Variants in IPMK observed in about 807,000 individuals in gnomAD.
The protein encoded by IPMK is inositol 1,3,4,6-tetrakisphosphate 5-kinase.
IPMK carries 17 observed loss-of-function variants against 45.8 expected under a neutral mutation model. That is an observed-to-expected ratio of 0.37 (90% CI 0.25 to 0.56). IPMK has a LOEUF of 0.56. IPMK is among the 20% of genes least tolerant of loss of function. The probability of loss-of-function intolerance (pLI) is 0.79; values close to 1 mark genes in which losing one functional copy is unlikely to be tolerated. For synonymous variants in IPMK, 180 were observed against 184.3 expected, an observed-to-expected ratio of 0.98 and a Z score of 0.19; for missense variants, 399 against 498.0, an observed-to-expected ratio of 0.80 and a Z score of 1.89.
In IPMK at chr10:58,262,874, G is replaced by A. The variant is rs546800597; in HGVS notation, c.190+4548C>T. Among the ~76,000 whole-genome samples the A allele has an allele frequency of 5.9e-5, 9 of 152,294 alleles. No individual in the cohort carries two copies. The South Asian group carries it at 1.9e-3, about 32-fold the overall frequency. On this transcript the variant is annotated intron_variant, in intron 1 of 5. Transcript: ENST00000373935. The stretch of plus-strand genomic sequence containing the variant: ...AAGGACATAAATACTTAAGGGTAAA[G>A]GAAGAGCTATTTCTTGGAATGCTAG...
intron 4 of IPMK, among the ~76,000 whole-genome samples, chr10:58,210,963 C>G (rs896421473): frequency 2.6e-5 from 4 of 152,168 alleles, no homozygotes. Flanking sequence ...ATTAGCCCTG[C>G]CTCCCATCCA....
chr10:58,210,044 C>G (rs1353799657), intron 4 of IPMK, among the ~76,000 whole-genome samples: 1 of 151,824 alleles, frequency 6.6e-6, no homozygotes, highest in Non-Finnish European at 1.5e-5. Context: ...GAAAAACCAT[C>G]AGGTGGGGGC....
intron 4 of IPMK, among the ~76,000 whole-genome samples, chr10:58,213,220 G>GT (rs150851673): frequency 0.077 from 11,672 of 152,220 alleles, 524 homozygotes; most frequent in Non-Finnish European, 0.089. Context: ...AAGGTATCCA[G>GT]TAAGTTGTTA....
chr10:58,243,965 T>C (rs2790209), intron 1 of IPMK, among the ~76,000 whole-genome samples: 49,871 of 97,396 alleles, frequency 0.51, 10,451 homozygotes, highest in African/African-American at 0.69. Context: ...ATGTGAGGAG[T>C]GCCTCTGCCT....
Position 58,267,413 on chromosome 10 carries a change from C to T in IPMK, c.190+9G>A. 6.2e-7 allele frequency: 1 copy of T among 1,613,456 alleles called. No homozygotes were observed. The highest frequency in any genetic ancestry group is 8.5e-7 in the Non-Finnish European group (1 of 1,179,582). On this transcript the variant is annotated intron_variant, in intron 1 of 5. Transcript: ENST00000373935. Reference sequence around the variant, plus strand: ...GGGGAGCGGCGAGACCTATGCCACCCCCACTTACCCACTTTGTCCTTCCCG... The same window carrying T: ...GGGGAGCGGCGAGACCTATGCCACCTCCACTTACCCACTTTGTCCTTCCCG...
At chr10:58,261,187 T>C (rs1839060842) in intron 1 of IPMK, among the ~76,000 whole-genome samples, 1 of 147,676 alleles carries the variant, frequency 6.8e-6, no homozygotes, top group Non-Finnish European at 1.5e-5. Context: ...TTAAAAACCA[T>C]GTGAAAAACA....
intron 4 of IPMK, among the ~76,000 whole-genome samples, chr10:58,199,616 T>G (rs774198864): frequency 1.3e-5 from 2 of 152,170 alleles, no homozygotes; most frequent in Admixed American, 6.5e-5. Context: ...AGGAGAGAAC[T>G]GAAAAAGCAC....
chr10:58,254,555 TTA>T (rs1320547369), intron 1 of IPMK, among the ~76,000 whole-genome samples: 1 of 152,234 alleles, frequency 6.6e-6, no homozygotes, highest in East Asian at 1.9e-4. Flanking sequence ...TTCTAGTTCA[TTA>T]TTGGAGTTGA....
chr10:58,266,655 T>C (rs577678196), intron 1 of IPMK, among the ~76,000 whole-genome samples: 2 of 152,258 alleles, frequency 1.3e-5, no homozygotes, highest in Admixed American at 6.5e-5. Flanking sequence ...CCACTACGGG[T>C]AAACTAGATG....
chr10:58,259,314 A>T (rs1839021218), intron 1 of IPMK, among the ~76,000 whole-genome samples: 1 of 152,178 alleles, frequency 6.6e-6, no homozygotes, highest in Non-Finnish European at 1.5e-5. Flanking sequence ...AAGTTAAAAA[A>T]TGCTTTGAAA....
At chr10:58,247,545 T>C (rs1838820121) in intron 1 of IPMK, among the ~76,000 whole-genome samples, 2 of 151,900 alleles carry the variant, frequency 1.3e-5, no homozygotes, top group Non-Finnish European at 2.9e-5. Context: ...CTCAGTAAAC[T>C]ATCACAAGAA....
chr10:58,252,289 C>CT lies in IPMK; in HGVS notation c.191-14476dup, dbSNP rs200437072. On this transcript the variant is annotated intron_variant, in intron 1 of 5. Transcript: ENST00000373935. ...CTTTAACACCATATCACCCCCGGTA[C>CT]TTTGACTGTTTCAATTTATACCTTT... Among the ~76,000 whole-genome samples the CT allele has an allele frequency of 6.6e-4, 101 of 152,298 alleles. 1 individual carries two copies. The East Asian group carries it at 0.017, about 25-fold the overall frequency.
At position 58,195,394 on chromosome 10, in the gene IPMK, T is replaced by C. The variant is rs1183229317; in HGVS notation, c.*682A>G. 6.6e-6 allele frequency: 1 copy of C among 152,086 alleles called. No individual in the cohort carries two copies. Among genetic ancestry groups the C allele is most frequent in the Non-Finnish European group, 1.5e-5 (1 of 67,940 alleles). The allele number at this position is 152,086 out of a possible 1,614,324, so 9.4% of individuals were successfully genotyped here. ...CTTCCCCTAACCCCAGTAAGGACAA[T>C]TAGTGTGCCCTTAATTTCAAGACTT... is the stretch of plus-strand genomic sequence containing the variant. On this transcript the variant is annotated 3_prime_UTR_variant, in exon 6 of 6. Transcript: ENST00000373935.
At chr10:58,248,015 C>T (rs1035784262) in intron 1 of IPMK, among the ~76,000 whole-genome samples, 9 of 152,010 alleles carry the variant, frequency 5.9e-5, no homozygotes, top group African/African-American at 2.2e-4. Flanking sequence ...AAATGAACAC[C>T]TATATTAAAA....
At chr10:58,243,802 G>A (rs953993793) in intron 1 of IPMK, among the ~76,000 whole-genome samples, 2 of 152,244 alleles carry the variant, frequency 1.3e-5, no homozygotes, top group Admixed American at 1.3e-4. Context: ...CATCTAGGAA[G>A]TGAGCAGCAT....
chr10:58,210,010 TTA>T (rs1287156973), intron 4 of IPMK, among the ~76,000 whole-genome samples: 14 of 152,012 alleles, frequency 9.2e-5, no homozygotes, highest in African/African-American at 3.4e-4. Flanking sequence ...TCCCAAGAGT[TTA>T]TGTCTTATCA....
At chr10:58,255,304 C>T (rs575004267) in intron 1 of IPMK, among the ~76,000 whole-genome samples, 45 of 152,350 alleles carry the variant, frequency 3.0e-4, no homozygotes, top group African/African-American at 1.0e-3. Context: ...CTGGAGTGGG[C>T]TTTCCATGAA....
chr10:58,197,427 G>A (rs192203417), intron 5 of IPMK, among the ~76,000 whole-genome samples: 11,819 of 151,184 alleles, frequency 0.078, 613 homozygotes, highest in African/African-American at 0.15. Context: ...GAGGTGGGCG[G>A]ATCACGAGGT....
At chr10:58,230,007 T>C (rs1426056983) in intron 2 of IPMK, among the ~76,000 whole-genome samples, 3 of 152,154 alleles carry the variant, frequency 2.0e-5, no homozygotes, top group Non-Finnish European at 4.4e-5. Context: ...GAAGATTCTC[T>C]CCCATGCATG....
Sources: gnomAD v4.1 joint callset for allele counts (sites outside exome capture counted in the v4.1 genomes callset) on GRCh38, gnomAD v4.1.1 for gene constraint, MANE v1.5 for transcripts, NCBI Gene and HGNC (gene_info 2026-07-23, HGNC 2026-07-21) for gene names.